TMCC1: variants seen among roughly 807,000 people sequenced by gnomAD.
TMCC1 encodes transmembrane and coiled-coil domain family 1, also known as transmembrane and coiled-coil domains protein 1.
Under a neutral mutation model 52.4 loss-of-function variants are expected in TMCC1, and 15 were observed. The ratio of observed to expected loss-of-function variants is 0.29; its 90% CI spans 0.19 to 0.44. The LOEUF (loss-of-function observed/expected upper bound fraction) is 0.44, where lower values mean the gene tolerates loss of function less well. Among genes scored for constraint, TMCC1 ranks in the 20% least tolerant of loss-of-function variants. The pLI is 1.00. For synonymous variants in TMCC1, 279 were observed against 301.9 expected (o/e 0.92, Z 0.79); for missense variants, 503 against 806.0 (o/e 0.62, Z 4.55).
chr3:129,742,981 G>C (rs1048722314), intron 4 of TMCC1, among the ~76,000 whole-genome samples: 3 of 152,268 alleles, frequency 2.0e-5, no homozygotes. Context: ...TCCAGAATAG[G>C]CAAATCTATA....
chr3:129,695,259 A>C lies in TMCC1; in HGVS notation c.577-23995T>G, dbSNP rs560199235. On this transcript the variant is annotated intron_variant, in intron 4 of 6. Transcript: ENST00000393238. ...TTCAAGGGAATGCTGGGTGTTGTCT[A>C]TTGGACCCTTTGAAGTTATCTGATT... Among the ~76,000 whole-genome samples the C allele has an allele frequency of 5.3e-5, 8 of 152,206 alleles. No individual in the cohort carries two copies. In the East Asian group the frequency reaches 1.4e-3, roughly 26 times the overall value.
intron 4 of TMCC1, among the ~76,000 whole-genome samples, chr3:129,675,692 T>C (rs1348165700): frequency 6.6e-6 from 1 of 152,168 alleles, no homozygotes; most frequent in African/African-American, 2.4e-5. Context: ...CTATGCTAGA[T>C]ATAGTTGGCC....
At chr3:129,892,738 C>T (rs2062028552) in intron 1 of TMCC1, 1 of 152,188 alleles carries the variant, frequency 6.6e-6, no homozygotes, top group Admixed American at 6.5e-5. Flanking sequence ...GATTCCTCAC[C>T]AAGAATGTTG....
At chr3:129,835,961 T>C (rs1010911820) in intron 2 of TMCC1, among the ~76,000 whole-genome samples, 11 of 152,014 alleles carry the variant, frequency 7.2e-5, no homozygotes, top group African/African-American at 2.4e-4. Flanking sequence ...TTGGACCAGA[T>C]GACAAAAATC....
intron 2 of TMCC1, among the ~76,000 whole-genome samples, chr3:129,846,700 A>G (rs574868810): frequency 1.3e-5 from 2 of 152,036 alleles, no homozygotes; most frequent in South Asian, 4.2e-4. Context: ...CAAAAATAAG[A>G]AAAATATAAT....
intron 4 of TMCC1, among the ~76,000 whole-genome samples, chr3:129,757,751 C>T (rs1436793941): frequency 6.6e-6 from 1 of 152,068 alleles, no homozygotes; most frequent in Non-Finnish European, 1.5e-5. Flanking sequence ...ATCGCTTGAA[C>T]CCAGGAGGTT....
intron 4 of TMCC1, among the ~76,000 whole-genome samples, chr3:129,788,629 ATTTTTT>A: frequency 6.9e-6 from 1 of 145,124 alleles, no homozygotes; most frequent in Admixed American, 6.9e-5. Context: ...CGCCCGGCTA[ATTTTTT>A]TTTTTTGTAT....
chr3:129,824,535 A>G (rs550279434), intron 4 of TMCC1, among the ~76,000 whole-genome samples: 12 of 152,300 alleles, frequency 7.9e-5, no homozygotes, highest in East Asian at 1.9e-4. Context: ...CAATGAATAC[A>G]TATTTATATT....
chr3:129,826,448 C>A (rs1400064243), intron 4 of TMCC1, among the ~76,000 whole-genome samples: 1 of 151,900 alleles, frequency 6.6e-6, no homozygotes, highest in Non-Finnish European at 1.5e-5. Context: ...GTTAAGGCTG[C>A]AGTGAGCCAC....
chr3:129,726,791 G>A (rs1051576205), intron 4 of TMCC1, among the ~76,000 whole-genome samples: 13 of 142,062 alleles, frequency 9.2e-5, no homozygotes, highest in Non-Finnish European at 9.0e-5. Flanking sequence ...AGGCAGAACT[G>A]CTTGAACCCA....
At chr3:129,822,446 A>G (rs1264813276) in intron 4 of TMCC1, among the ~76,000 whole-genome samples, 2 of 152,198 alleles carry the variant, frequency 1.3e-5, no homozygotes, top group African/African-American at 4.8e-5. Flanking sequence ...ACCCCATCTC[A>G]AAAAATACAT....
intron 5 of TMCC1, among the ~76,000 whole-genome samples, chr3:129,665,933 G>A (rs779271247): frequency 6.6e-6 from 1 of 152,158 alleles, no homozygotes; most frequent in African/African-American, 2.4e-5. Context: ...AACACTGTTC[G>A]TGGTAGTGGC....
intron 4 of TMCC1, among the ~76,000 whole-genome samples, chr3:129,820,114 T>C (rs1407652442): frequency 6.7e-6 from 1 of 148,510 alleles, no homozygotes; most frequent in Admixed American, 6.9e-5. Flanking sequence ...GCCTACTAGA[T>C]TATTCTTGGC....
Position 129,707,709 on chromosome 3 carries a change from G to A in TMCC1, c.577-36445C>T, listed in dbSNP as rs189653417. Among the ~76,000 whole-genome samples the A allele has an allele frequency of 7.9e-3, 1,206 of 152,228 alleles. 9 individuals carry two copies. Among genetic ancestry groups the A allele is most frequent in the Middle Eastern group, 0.024 (7 of 294 alleles). ...AGCACTTTGGGAGGCCGAGGCGGGC[G>A]GATCGTGAGGTCAGGAGATCGAGAC... On this transcript the variant is annotated intron_variant, in intron 4 of 6. Coordinates refer to ENST00000393238, the MANE Select transcript of TMCC1 (RefSeq NM_001017395.5).
intron 4 of TMCC1, among the ~76,000 whole-genome samples, chr3:129,707,213 G>A (rs2048316410): frequency 6.6e-6 from 1 of 152,198 alleles, no homozygotes; most frequent in South Asian, 2.1e-4. Context: ...TAGGTGGACA[G>A]TATGGGCTCA....
chr3:129,675,280 G>GATT (rs540495410), intron 4 of TMCC1, among the ~76,000 whole-genome samples: 158 of 152,342 alleles, frequency 1.0e-3, no homozygotes, highest in African/African-American at 3.4e-3. Context: ...CAACAAACAA[G>GATT]ATTGAGTCTG....
chr3:129,775,145 T>C (rs886888029), intron 4 of TMCC1, among the ~76,000 whole-genome samples: 1 of 152,042 alleles, frequency 6.6e-6, no homozygotes, highest in Non-Finnish European at 1.5e-5. Context: ...TGGGGGTGTA[T>C]GCAGATAAGA....
intron 4 of TMCC1, among the ~76,000 whole-genome samples, chr3:129,816,204 CA>C (rs1348029783): frequency 6.6e-6 from 1 of 152,062 alleles, no homozygotes; most frequent in Non-Finnish European, 1.5e-5. Flanking sequence ...ATAGAACTAC[CA>C]TATGACCCAG....
chr3:129,813,069 A>G (rs1453927966), intron 4 of TMCC1, among the ~76,000 whole-genome samples: 1 of 152,228 alleles, frequency 6.6e-6, no homozygotes, highest in Non-Finnish European at 1.5e-5. Context: ...AATACTCAAC[A>G]TCACTAATCA....
Sources: allele counts gnomAD v4.1 joint callset (sites outside exome capture counted in the v4.1 genomes callset), GRCh38; gene constraint gnomAD v4.1.1; transcripts MANE v1.5; gene names NCBI Gene and HGNC (gene_info 2026-07-23, HGNC 2026-07-21).